The following WWP1 variants were observed in gnomAD, a reference collection of about 807,000 sequenced individuals.
WWP1 encodes WW domain containing E3 ubiquitin protein ligase 1.
WWP1 carries 49 observed loss-of-function variants against 130.6 expected under a neutral mutation model. That is an observed-to-expected ratio of 0.38 (90% CI 0.30 to 0.48). WWP1 has a LOEUF of 0.48. Among genes scored for constraint, WWP1 ranks in the 20% least tolerant of loss-of-function variants. The pLI is 0.99. For missense variants in WWP1, 809 were observed against 1,100.6 expected, an observed-to-expected ratio of 0.74 and a Z score of 3.75; for synonymous variants, 332 against 367.8, an observed-to-expected ratio of 0.90 and a Z score of 1.11.
chr8:86,441,468 T>C (rs900551640), intron 17 of WWP1, among the ~76,000 whole-genome samples: 1 of 152,242 alleles, frequency 6.6e-6, no homozygotes, highest in African/African-American at 2.4e-5. Context: ...GTAGCCTACA[T>C]AGAGGTGGCC....
chr8:86,464,895 C>G (rs1418469774), intron 24 of WWP1, among the ~76,000 whole-genome samples: 1 of 149,898 alleles, frequency 6.7e-6, no homozygotes, highest in East Asian at 2.0e-4. Flanking sequence ...AGTGATAGAT[C>G]CATATGTATA....
At chr8:86,379,231 G>T (rs1824846088) in intron 3 of WWP1, among the ~76,000 whole-genome samples, 5 of 152,084 alleles carry the variant, frequency 3.3e-5, no homozygotes, top group Admixed American at 3.3e-4. Context: ...AGAGCAGTTT[G>T]GAACGATGAA....
chr8:86,362,199 T>TATATACATATAC (rs1409280271), intron 1 of WWP1, among the ~76,000 whole-genome samples: 7 of 121,030 alleles, frequency 5.8e-5, no homozygotes, highest in African/African-American at 1.8e-4. Flanking sequence ...TATATATATA[T>TATATACATATAC]ATACTGGAAA....
chr8:86,414,878 AT>A (rs1808795455), intron 9 of WWP1, among the ~76,000 whole-genome samples: 3 of 92,214 alleles, frequency 3.3e-5, no homozygotes, highest in Non-Finnish European at 6.6e-5. Context: ...TACATTCTGA[AT>A]CCCCCCCCCA....
At chr8:86,379,468 G>T (rs922401705) in intron 3 of WWP1, among the ~76,000 whole-genome samples, 2 of 152,036 alleles carry the variant, frequency 1.3e-5, no homozygotes, top group African/African-American at 2.4e-5. Flanking sequence ...CTTAACATCC[G>T]GTGTGTATGA....
intron 3 of WWP1, among the ~76,000 whole-genome samples, chr8:86,379,116 A>C (rs1308275437): frequency 6.6e-6 from 1 of 152,210 alleles, no homozygotes; most frequent in African/African-American, 2.4e-5. Context: ...TAAGACTTAC[A>C]TATACTGAGG....
intron 14 of WWP1, among the ~76,000 whole-genome samples, chr8:86,434,570 T>C (rs1255531345): frequency 6.6e-6 from 1 of 152,218 alleles, no homozygotes; most frequent in Non-Finnish European, 1.5e-5. Flanking sequence ...ACTTTGTCCT[T>C]TTAACAATGC....
chr8:86,441,628 G>GTTT (rs72432184), intron 17 of WWP1, among the ~76,000 whole-genome samples: 1 of 152,012 alleles, frequency 6.6e-6, no homozygotes, highest in African/African-American at 2.4e-5. Flanking sequence ...AATCAGAGTT[G>GTTT]TTTCCCCTGT....
At chr8:86,432,618 T>C (rs1312529184) in intron 14 of WWP1, among the ~76,000 whole-genome samples, 1 of 152,104 alleles carries the variant, frequency 6.6e-6, no homozygotes, top group Non-Finnish European at 1.5e-5. Flanking sequence ...TTTTTTGTTT[T>C]TTTTTTGAGA....
chr8:86,385,797 T>A (rs998378167), intron 5 of WWP1, among the ~76,000 whole-genome samples: 1 of 152,216 alleles, frequency 6.6e-6, no homozygotes, highest in African/African-American at 2.4e-5. Flanking sequence ...AAAGATTTTT[T>A]AAAAATGTTA....
chr8:86,379,662 G>A (rs1824869974), intron 3 of WWP1, among the ~76,000 whole-genome samples: 1 of 152,118 alleles, frequency 6.6e-6, no homozygotes, highest in Admixed American at 6.6e-5. Flanking sequence ...AAGGGGTTAT[G>A]ATTAACTTTT....
chr8:86,435,090 G>A (rs566290298), intron 14 of WWP1, among the ~76,000 whole-genome samples: 12 of 152,332 alleles, frequency 7.9e-5, no homozygotes, highest in Non-Finnish European at 1.5e-4. Flanking sequence ...GTTAGGCTTA[G>A]GATGTGGTAG....
At chr8:86,383,068 A>G (rs1301839482) in intron 5 of WWP1, among the ~76,000 whole-genome samples, 1 of 152,228 alleles carries the variant, frequency 6.6e-6, no homozygotes, top group Non-Finnish European at 1.5e-5. Context: ...GATTATAATA[A>G]TTAGAACTAG....
Position 86,461,754 on chromosome 8 carries a change from G to A in WWP1, c.2597-20G>A. On this transcript the variant is annotated intron_variant, in intron 23 of 24. Transcript: ENST00000517970. ...AAGTTTAAAGGACCAGATAAACTTT[G>A]TCTTATTTTCTTGGTGTAGGAAGTA... is the stretch of plus-strand genomic sequence containing the variant. 6.2e-7 allele frequency: 1 copy of A among 1,608,462 alleles called. No homozygotes were observed. Among genetic ancestry groups the A allele is most frequent in the South Asian group, 1.1e-5 (1 of 90,308 alleles).
At chr8:86,414,037 T>A (rs956338362) in intron 9 of WWP1, among the ~76,000 whole-genome samples, 3 of 152,334 alleles carry the variant, frequency 2.0e-5, no homozygotes, top group Admixed American at 6.5e-5. Flanking sequence ...TGTCACCACT[T>A]ATGATCTTTG....
chr8:86,342,580 C>T lies in WWP1; in HGVS notation c.-465C>T, dbSNP rs374577305. 6.6e-6 allele frequency among the ~76,000 whole-genome samples: 1 copy of T among 150,742 alleles called. No individual in the cohort carries two copies. Among genetic ancestry groups the T allele is most frequent in the Non-Finnish European group, 1.5e-5 (1 of 67,598 alleles). On this transcript the variant is annotated 5_prime_UTR_variant, in exon 1 of 25. Transcript: ENST00000517970. ...TCCGGAGTTGGAGGCTTTGGGCGGC[C>T]GCGGCGTAGCGCGCGGTGCCGGGGC...
At chr8:86,439,016 G>T (rs1810450173) in intron 17 of WWP1, among the ~76,000 whole-genome samples, 1 of 152,046 alleles carries the variant, frequency 6.6e-6, no homozygotes, top group African/African-American at 2.4e-5. Context: ...GTGAGTGAAT[G>T]AATTTGTTTA....
At chr8:86,403,752 AAAG>A (rs970440228) in intron 8 of WWP1, among the ~76,000 whole-genome samples, 9 of 152,108 alleles carry the variant, frequency 5.9e-5, no homozygotes, top group African/African-American at 1.2e-4. Context: ...AAAAAAAAAA[AAAG>A]AAGTAGACTA....
intron 2 of WWP1, among the ~76,000 whole-genome samples, chr8:86,372,308 C>T (rs2130302251): frequency 1.3e-5 from 2 of 152,158 alleles, no homozygotes; most frequent in Middle Eastern, 3.4e-3. Flanking sequence ...AGGCGTGAGC[C>T]ACCGCGCCCG....
Sources: allele counts gnomAD v4.1 joint callset (sites outside exome capture counted in the v4.1 genomes callset), GRCh38; gene constraint gnomAD v4.1.1; transcripts MANE v1.5; gene names NCBI Gene and HGNC (gene_info 2026-07-23, HGNC 2026-07-21).